The following JAK1 variants were observed in gnomAD, a reference collection of about 807,000 sequenced individuals.
JAK1 encodes the protein Janus kinase 1, also known as tyrosine-protein kinase JAK1.
A neutral mutation model predicts 136.6 loss-of-function variants in JAK1; 16 were observed. That is an observed-to-expected ratio of 0.12 (90% CI 0.08 to 0.18). The LOEUF (loss-of-function observed/expected upper bound fraction) is 0.18. Among genes scored for constraint, JAK1 ranks in the 10% least tolerant of loss-of-function variants. The pLI is 1.00. For synonymous variants in JAK1, 492 were observed against 519.5 expected, an observed-to-expected ratio of 0.95 and a Z score of 0.72; for missense variants, 859 against 1,450.1, an observed-to-expected ratio of 0.59 and a Z score of 6.62.
At chr1:64,912,861 T>C (rs1645308201) in intron 1 of JAK1, among the ~76,000 whole-genome samples, 1 of 152,202 alleles carries the variant, frequency 6.6e-6, no homozygotes, top group African/African-American at 2.4e-5. Context: ...GATTTGGGGC[T>C]TTGCTGATTG....
At position 65,025,072 on chromosome 1, in the gene JAK1, A is replaced by G. The variant is rs143346652; in HGVS notation, c.-78+19408T>C. Among the ~76,000 whole-genome samples the G allele has an allele frequency of 5.0e-3, 767 of 152,280 alleles. 1 individual carries two copies. The highest frequency in any genetic ancestry group is 8.3e-3 in the Non-Finnish European group (562 of 68,022). On this transcript the variant is annotated intron_variant, in intron 2 of 25. Transcript: ENST00000671954. ...CCCCATTCTTGGATAGGCCTCACCA[A>G]TTAGAACAGCAAGATGGCTATAGCA... is the stretch of plus-strand genomic sequence containing the variant.
At chr1:65,034,130 G>A (rs1013792325) in intron 2 of JAK1, among the ~76,000 whole-genome samples, 8 of 152,194 alleles carry the variant, frequency 5.3e-5, no homozygotes, top group Admixed American at 3.9e-4. Context: ...TAAAAGGAAA[G>A]GTAAGTACAA....
chr1:64,926,776 C>T (rs1174314957), intron 1 of JAK1, among the ~76,000 whole-genome samples: 2 of 152,192 alleles, frequency 1.3e-5, no homozygotes, highest in Non-Finnish European at 2.9e-5. Context: ...GTGTTTGAAT[C>T]CCAGCTCTAC....
intron 1 of JAK1, among the ~76,000 whole-genome samples, chr1:64,960,575 C>T (rs1400956865): frequency 3.3e-5 from 5 of 152,316 alleles, no homozygotes; most frequent in African/African-American, 7.2e-5. Flanking sequence ...TCTATGCAGA[C>T]GGCCGCAGCT....
intron 1 of JAK1, among the ~76,000 whole-genome samples, chr1:64,912,409 T>C (rs945796524): frequency 1.3e-5 from 2 of 152,238 alleles, no homozygotes; most frequent in African/African-American, 2.4e-5. Context: ...GCATCCTGCA[T>C]TGACAGGCAG....
chr1:64,925,875 T>C (rs1444945399), intron 1 of JAK1, among the ~76,000 whole-genome samples: 1 of 152,146 alleles, frequency 6.6e-6, no homozygotes, highest in Non-Finnish European at 1.5e-5. Flanking sequence ...CCTGTGCCAG[T>C]TATTTGCAAT....
intron 2 of JAK1, chr1:64,994,970 A>AC (rs1646691325): frequency 6.6e-6 from 1 of 151,956 alleles, no homozygotes; most frequent in African/African-American, 2.4e-5. Context: ...CTGCAAAAAA[A>AC]AAAAAAAAAA....
At chr1:64,975,269 C>T (rs1646488588) in intron 2 of JAK1, among the ~76,000 whole-genome samples, 1 of 152,162 alleles carries the variant, frequency 6.6e-6, no homozygotes, top group Non-Finnish European at 1.5e-5. Context: ...AAAGAACTGA[C>T]CAGCTTTCAT....
Position 64,878,917 on chromosome 1 carries a change from A to G in JAK1, c.329+108T>C, listed in dbSNP as rs1160388499. 3 of 1,076,120 alleles carry G rather than the reference A, an allele frequency of 2.8e-6. No homozygotes were observed. The African/African-American group carries it at 4.9e-5, about 17-fold the overall frequency. 66.7% of individuals were successfully genotyped at this position (1,076,120 alleles called of 1,614,324 possible). ...CAAGCAAATACAAAAGTTACAAATTACAAAAATGACTACAATACTTCTTGG... is the reference window on the plus strand; with the variant it reads ...CAAGCAAATACAAAAGTTACAAATTGCAAAAATGACTACAATACTTCTTGG... On this transcript the variant is annotated intron_variant, in intron 4 of 24. Transcript: ENST00000342505.
At chr1:64,847,139 G>A (rs923124203) in intron 13 of JAK1, among the ~76,000 whole-genome samples, 1 of 152,248 alleles carries the variant, frequency 6.6e-6, no homozygotes, top group Non-Finnish European at 1.5e-5. Context: ...CACTCTAATA[G>A]TCTGTAGAAT....
Position 64,869,414 on chromosome 1 carries a change from C to G in JAK1, c.544G>C (p.Gly182Arg). 6.2e-7 allele frequency: 1 copy of G among 1,613,864 alleles called. No individual in the cohort carries two copies. Among genetic ancestry groups the G allele is most frequent in the Non-Finnish European group, 8.5e-7 (1 of 1,179,806 alleles). ...AGACACTCGTTCTCAATATCATGTC[C>G]ATCCTGCTCGGTCTTGGGGTCTCGA... The part of the protein sequence containing the change: ...PIRDPKTEQD[G>R]HDIENECLGM... The change falls in exon 6 of 25, where the codon GGA becomes CGA. Residue 182 changes from glycine (G) to arginine (R), a missense_variant. Transcript: ENST00000342505.
At chr1:65,062,168 A>G (rs1339179846) in intron 1 of JAK1, among the ~76,000 whole-genome samples, 1 of 152,160 alleles carries the variant, frequency 6.6e-6, no homozygotes, top group Non-Finnish European at 1.5e-5. Context: ...ACTGGCCCAT[A>G]TATTACATTA....
chr1:65,003,734 A>G (rs547742868), intron 2 of JAK1: 1 of 141,214 alleles, frequency 7.1e-6, no homozygotes, highest in Non-Finnish European at 1.5e-5. Flanking sequence ...TCCCCTCTTT[A>G]TGAAAAAAAA....
rs55960932 is a variant in JAK1, at chr1:65,028,481, AAGGGAGGGAGGG to A, written c.-78+15987_-78+15998del. ...GAAGGAAGAAAGGAAGAAAGGAAGGAAGGGAGGGAGGGAGGGAGGGAGGGAGGGAGGGACTGG... is the reference window on the plus strand; with the variant it reads ...GAAGGAAGAAAGGAAGAAAGGAAGGAAGGGAGGGAGGGAGGGAGGGACTGG... On this transcript the variant is annotated intron_variant, in intron 2 of 25. Transcript: ENST00000671954. 4.9e-5 allele frequency among the ~76,000 whole-genome samples: 6 copies of A among 122,168 alleles called. No individual in the cohort carries two copies. In the South Asian group the frequency reaches 1.4e-3, roughly 28 times the overall value. 80.1% of individuals were successfully genotyped at this position (122,168 alleles called of 152,430 possible).
intron 1 of JAK1, among the ~76,000 whole-genome samples, chr1:65,061,158 C>A (rs1647775197): frequency 6.6e-6 from 1 of 152,202 alleles, no homozygotes; most frequent in Admixed American, 6.5e-5. Flanking sequence ...GTGGCTCACA[C>A]CTGTAATCTC....
intron 1 of JAK1, among the ~76,000 whole-genome samples, chr1:65,051,728 C>T (rs926953677): frequency 1.3e-5 from 2 of 152,178 alleles, no homozygotes; most frequent in South Asian, 2.1e-4. Flanking sequence ...CAGACTAAAT[C>T]GAAATGGTTC....
intron 3 of JAK1, among the ~76,000 whole-genome samples, chr1:64,882,480 T>C (rs1205995528): frequency 6.6e-6 from 1 of 152,232 alleles, no homozygotes; most frequent in Non-Finnish European, 1.5e-5. Context: ...AAGTGTACAA[T>C]TCAACAGATT....
At chr1:65,027,790 C>T (rs1252987375) in intron 2 of JAK1, among the ~76,000 whole-genome samples, 2 of 152,148 alleles carry the variant, frequency 1.3e-5, no homozygotes, top group East Asian at 3.9e-4. Flanking sequence ...TGGTCATGCC[C>T]TAGTACCCCT....
chr1:64,954,458 G>C (rs1646146940), intron 1 of JAK1, among the ~76,000 whole-genome samples: 1 of 152,150 alleles, frequency 6.6e-6, no homozygotes, highest in South Asian at 2.1e-4. Context: ...CCTACCCCAA[G>C]CACACCTTAA....
Sources: allele counts gnomAD v4.1 joint callset (sites outside exome capture counted in the v4.1 genomes callset), GRCh38; gene constraint gnomAD v4.1.1; transcripts MANE v1.5; gene names NCBI Gene and HGNC (gene_info 2026-07-23, HGNC 2026-07-21).